The following BNC2 variants were observed in gnomAD, a reference collection of about 807,000 sequenced individuals.
The protein encoded by BNC2 is basonuclin zinc finger protein 2, also known as zinc finger protein basonuclin-2.
Under a neutral mutation model 76.3 loss-of-function variants are expected in BNC2, and 20 were observed. The observed-to-expected ratio is 0.26, with a 90% CI of 0.18 to 0.38. BNC2 has a LOEUF of 0.38. Ranked by LOEUF, BNC2 falls within the 10% of genes least tolerant of loss-of-function variation. The probability of loss-of-function intolerance (pLI) is 1.00; values close to 1 mark genes in which losing one functional copy is unlikely to be tolerated. For synonymous variants in BNC2, 582 were observed against 514.8 expected, an observed-to-expected ratio of 1.13 and a Z score of -1.77; for missense variants, 1,382 against 1,399.8, an observed-to-expected ratio of 0.99 and a Z score of 0.20.
intron 5 of BNC2, among the ~76,000 whole-genome samples, chr9:16,453,353 C>G (rs575971943): frequency 6.6e-6 from 1 of 152,206 alleles, no homozygotes; most frequent in African/African-American, 2.4e-5. Context: ...ATGCTCTTCA[C>G]AGAAGGCACT....
chr9:16,508,144 T>A (rs912127953), intron 5 of BNC2, among the ~76,000 whole-genome samples: 7 of 152,296 alleles, frequency 4.6e-5, no homozygotes, highest in Non-Finnish European at 8.8e-5. Context: ...GCAACAAAGG[T>A]CCGCATTGCT....
At chr9:16,433,145 T>C (rs1820939580) in intron 6 of BNC2, among the ~76,000 whole-genome samples, 1 of 152,216 alleles carries the variant, frequency 6.6e-6, no homozygotes, top group African/African-American at 2.4e-5. Context: ...ATTCAAGTCA[T>C]AGACTCAACC....
At chr9:16,538,120 G>A (rs1818184213) in intron 5 of BNC2, among the ~76,000 whole-genome samples, 1 of 152,142 alleles carries the variant, frequency 6.6e-6, no homozygotes, top group Non-Finnish European at 1.5e-5. Context: ...CCTGGATCCA[G>A]GTGTAAGGTA....
intron 1 of BNC2, among the ~76,000 whole-genome samples, chr9:16,798,263 C>T (rs1817702417): frequency 1.3e-5 from 2 of 152,120 alleles, no homozygotes; most frequent in Admixed American, 1.3e-4. Context: ...CTTTGATGTC[C>T]CACCTTCCAA....
intron 5 of BNC2, among the ~76,000 whole-genome samples, chr9:16,482,383 C>T (rs1822075310): frequency 6.6e-6 from 1 of 151,806 alleles, no homozygotes. Context: ...CCCATTGTGT[C>T]AACCCAATAG....
chr9:16,481,422 C>G (rs945781248), intron 5 of BNC2, among the ~76,000 whole-genome samples: 1 of 152,128 alleles, frequency 6.6e-6, no homozygotes, highest in Non-Finnish European at 1.5e-5. Context: ...AGCTGTAACA[C>G]TCACCACGAA....
At chr9:16,811,913 T>A (rs1396289471) in intron 1 of BNC2, among the ~76,000 whole-genome samples, 1 of 152,178 alleles carries the variant, frequency 6.6e-6, no homozygotes, top group African/African-American at 2.4e-5. Context: ...ACCTTGACCT[T>A]CCCTTCAGAG....
chr9:16,808,693 A>G (rs1335988986), intron 1 of BNC2, among the ~76,000 whole-genome samples: 1 of 151,236 alleles, frequency 6.6e-6, no homozygotes, highest in Admixed American at 6.6e-5. Context: ...TATGTTGCCC[A>G]AGCTTTTTTT....
rs1333551304 is a variant in BNC2, at chr9:16,531,026, C to T, written c.669+21504G>A. 2.0e-5 allele frequency among the ~76,000 whole-genome samples: 3 copies of T among 152,190 alleles called. No homozygotes were observed. The East Asian group carries it at 5.8e-4, about 29-fold the overall frequency. On this transcript the variant is annotated intron_variant, in intron 5 of 6. Transcript: ENST00000380672. The stretch of plus-strand genomic sequence containing the variant: ...CACCTCCCATTGGCACTATCAGTTT[C>T]CAAGGCTCTATTAAAGATAAACAAG...
rs572653413 is a variant in BNC2, at chr9:16,795,781, C to G, written c.4-57296G>C. 2.0e-5 allele frequency among the ~76,000 whole-genome samples: 3 copies of G among 152,214 alleles called. No individual in the cohort carries two copies. The South Asian group carries it at 6.2e-4, about 32-fold the overall frequency. On this transcript the variant is annotated intron_variant, in intron 1 of 6. Coordinates refer to ENST00000380672, the MANE Select transcript of BNC2 (RefSeq NM_017637.6). ...TACAGTAAAGAGATGATTTAAAAGG[C>G]AAACCACTAAAAATGACAGTATGAA...
intron 3 of BNC2, among the ~76,000 whole-genome samples, chr9:16,620,665 T>C (rs984962156): frequency 1.3e-5 from 2 of 152,328 alleles, no homozygotes; most frequent in African/African-American, 2.4e-5. Flanking sequence ...AGCCTATAAA[T>C]ACCATAGTGC....
chr9:16,478,202 G>A (rs960990870), intron 5 of BNC2, among the ~76,000 whole-genome samples: 21 of 152,172 alleles, frequency 1.4e-4, no homozygotes, highest in African/African-American at 4.8e-4. Flanking sequence ...CCTGGTCCAC[G>A]TGGAAGCCCT....
At chr9:16,726,559 T>TTAAA (rs1491375018) in intron 3 of BNC2, among the ~76,000 whole-genome samples, 35 of 102,408 alleles carry the variant, frequency 3.4e-4, no homozygotes, top group Non-Finnish European at 6.5e-4. Flanking sequence ...AAAAGCTTTT[T>TTAAA]AAAAAAAAAA....
chr9:16,593,342 CCAGA>C (rs1475015329), intron 3 of BNC2, among the ~76,000 whole-genome samples: 1 of 151,988 alleles, frequency 6.6e-6, no homozygotes, highest in Non-Finnish European at 1.5e-5. Context: ...ATAAATTTTC[CCAGA>C]CAGAGATCCA....
rs73415418 is a variant in BNC2, at chr9:16,435,059, G to A, written c.2639+496C>T. 368 of 471,470 alleles carry A rather than the reference G, an allele frequency of 7.8e-4. 1 individual carries two copies. The highest frequency in any genetic ancestry group is 7.0e-3 in the African/African-American group (353 of 50,158). 29.2% of individuals were successfully genotyped at this position (471,470 alleles called of 1,614,324 possible). A position where few individuals can be genotyped will look rare whatever the true frequency, so the allele number is the denominator to read the frequency against. On this transcript the variant is annotated intron_variant, in intron 6 of 6. Transcript: ENST00000380672. The stretch of plus-strand genomic sequence containing the variant: ...CTACGGAGATGCAGGCTGTCTCGAT[G>A]TCCTGGACCTATGGTTCTTTCCATC...
intron 5 of BNC2, among the ~76,000 whole-genome samples, chr9:16,528,835 C>G (rs895826347): frequency 6.6e-6 from 1 of 152,260 alleles, no homozygotes; most frequent in African/African-American, 2.4e-5. Context: ...TCTATACTAA[C>G]GTGGAAAGAG....
At chr9:16,832,762 T>G (rs1818605975) in intron 1 of BNC2, among the ~76,000 whole-genome samples, 1 of 152,018 alleles carries the variant, frequency 6.6e-6, no homozygotes, top group African/African-American at 2.4e-5. Context: ...AGTCTCGCTC[T>G]GTCACCAGGC....
At chr9:16,858,212 A>G (rs1242039672) in intron 1 of BNC2, among the ~76,000 whole-genome samples, 2 of 152,358 alleles carry the variant, frequency 1.3e-5, no homozygotes, top group East Asian at 3.9e-4. Flanking sequence ...TTATAAAACC[A>G]AAAACAATTA....
chr9:16,618,291 C>G (rs1820767591), intron 3 of BNC2, among the ~76,000 whole-genome samples: 1 of 152,092 alleles, frequency 6.6e-6, no homozygotes, highest in South Asian at 2.1e-4. Flanking sequence ...TTCTCTCTAC[C>G]CAATTTTAGC....
Sources: allele counts gnomAD v4.1 joint callset (sites outside exome capture counted in the v4.1 genomes callset), GRCh38; gene constraint gnomAD v4.1.1; transcripts MANE v1.5; gene names NCBI Gene and HGNC (gene_info 2026-07-23, HGNC 2026-07-21).